The following ATP10B variants were observed in gnomAD, a reference collection of about 807,000 sequenced individuals.
ATP10B encodes phospholipid-transporting ATPase VB.
In ATP10B, 122 loss-of-function variants were observed where a neutral mutation model predicts 141.2. The observed-to-expected ratio is 0.86, with a 90% confidence interval of 0.75 to 1.00. ATP10B has a LOEUF of 1.00. Among genes scored for constraint, ATP10B ranks in the 50% least tolerant of loss-of-function variants. The probability of loss-of-function intolerance (pLI) is 0.00; values close to 1 mark genes in which losing one functional copy is unlikely to be tolerated. For synonymous variants in ATP10B, 685 were observed against 692.0 expected, an observed-to-expected ratio of 0.99 and a Z score of 0.16; for missense variants, 1,876 against 1,825.3, an observed-to-expected ratio of 1.03 and a Z score of -0.51.
intron 12 of ATP10B, 37 bp from the exon 13 acceptor site, chr5:160,632,404 C>G (rs1470908088): frequency 6.3e-7 from 1 of 1,593,640 alleles, no homozygotes; most frequent in Admixed American, 1.7e-5. Context: ...ACTAGTTGTA[C>G]CTCGGCTGGA....
At chr5:160,844,639 G>A (rs1009115310) in intron 1 of ATP10B, among the ~76,000 whole-genome samples, 1 of 151,506 alleles carries the variant, frequency 6.6e-6, no homozygotes, top group African/African-American at 2.4e-5. Flanking sequence ...TCCACCTCCC[G>A]GGTTCAAGTG....
At chr5:160,831,663 GC>G (rs1264550760) in intron 1 of ATP10B, among the ~76,000 whole-genome samples, 1 of 152,032 alleles carries the variant, frequency 6.6e-6, no homozygotes, top group Non-Finnish European at 1.5e-5. Context: ...TAAGCAAAAA[GC>G]CCTTCTGGAA....
At chr5:160,817,058 CA>C (rs1383309691) in intron 1 of ATP10B, among the ~76,000 whole-genome samples, 2 of 152,146 alleles carry the variant, frequency 1.3e-5, no homozygotes, top group African/African-American at 2.4e-5. Flanking sequence ...ACTGAATGGG[CA>C]AAAACTGGAA....
At chr5:160,690,425 C>T (rs1764010299) in intron 3 of ATP10B, among the ~76,000 whole-genome samples, 1 of 152,156 alleles carries the variant, frequency 6.6e-6, no homozygotes, top group Admixed American at 6.5e-5. Context: ...AGGAAACCTA[C>T]AGAATGGGAG....
intron 1 of ATP10B, among the ~76,000 whole-genome samples, chr5:160,814,196 G>A (rs1773411174): frequency 6.6e-6 from 1 of 152,110 alleles, no homozygotes; most frequent in Non-Finnish European, 1.5e-5. Flanking sequence ...AGCTAAAGGA[G>A]GAAGTTCGAA....
intron 6 of ATP10B, among the ~76,000 whole-genome samples, chr5:160,682,638 C>T (rs116496060): frequency 0.012 from 1,824 of 152,228 alleles, 17 homozygotes; most frequent in Non-Finnish European, 0.018. Context: ...TGCATTCCTC[C>T]CTGAGGCACC....
intron 11 of ATP10B, among the ~76,000 whole-genome samples, chr5:160,635,436 C>A (rs966760212): frequency 5.3e-5 from 8 of 151,904 alleles, no homozygotes; most frequent in African/African-American, 1.7e-4. Context: ...ACTTTGGATT[C>A]CACTTTGAGT....
At chr5:160,685,984 A>G in intron 6 of ATP10B, 95 bp downstream of exon 6, 2 of 997,264 alleles carry the variant, frequency 2.0e-6, no homozygotes, top group Non-Finnish European at 2.8e-6. Context: ...TAATTTAGGA[A>G]AATAAAATCG....
intron 7 of ATP10B, among the ~76,000 whole-genome samples, chr5:160,654,790 A>C (rs897961667): frequency 1.3e-5 from 2 of 152,098 alleles, no homozygotes; most frequent in African/African-American, 4.8e-5. Context: ...GTGTACTAAG[A>C]ATCAACTAAG....
intron 21 of ATP10B, among the ~76,000 whole-genome samples, chr5:160,599,765 GTGGGC>G (rs1274949751): frequency 6.6e-6 from 1 of 152,178 alleles, no homozygotes; most frequent in African/African-American, 2.4e-5. Flanking sequence ...TCTCTTGTGG[GTGGGC>G]TGGGTCACTG....
the ATP10B span, among the ~76,000 whole-genome samples, chr5:160,868,521 T>TAC: frequency 0.17 from 21,862 of 130,140 alleles, 1,826 homozygotes; most frequent in African/African-American, 0.19. Context: ...TATGAACAGA[T>TAC]ACACACACAC....
intron 1 of ATP10B, among the ~76,000 whole-genome samples, chr5:160,798,883 C>G (rs1344965042): frequency 6.6e-6 from 1 of 151,368 alleles, no homozygotes; most frequent in African/African-American, 2.4e-5. Context: ...TCCCAAGTAG[C>G]TGTGATTGCA....
chr5:160,743,433 C>G (rs1183970054), intron 2 of ATP10B, among the ~76,000 whole-genome samples: 1 of 152,206 alleles, frequency 6.6e-6, no homozygotes, highest in African/African-American at 2.4e-5. Context: ...AGCCAAGACA[C>G]TGGACATTTA....
At chr5:160,778,929 C>A (rs905417994) in intron 2 of ATP10B, among the ~76,000 whole-genome samples, 1 of 152,096 alleles carries the variant, frequency 6.6e-6, no homozygotes, top group Non-Finnish European at 1.5e-5. Context: ...ATGTCTAGTT[C>A]ATCACTTGCA....
At chr5:160,845,613 A>G (rs1255180984) in intron 1 of ATP10B, among the ~76,000 whole-genome samples, 1 of 152,212 alleles carries the variant, frequency 6.6e-6, no homozygotes, top group Non-Finnish European at 1.5e-5. Flanking sequence ...AAGTAAAACC[A>G]TTCTAAACAA....
At position 160,806,553 on chromosome 5, in the gene ATP10B, G is replaced by A. The variant is rs148818071; in HGVS notation, c.-575-20750C>T. 9.1e-4 allele frequency among the ~76,000 whole-genome samples: 138 copies of A among 152,320 alleles called. 1 individual carries two copies. Among genetic ancestry groups the A allele is most frequent in the African/African-American group, 1.6e-3 (67 of 41,556 alleles). ...GCTGTTTGTCTTTCAGAACTTTGGCGAAGAGGTCTTGGGAAGATGATCTTT... is the reference window on the plus strand; with the variant it reads ...GCTGTTTGTCTTTCAGAACTTTGGCAAAGAGGTCTTGGGAAGATGATCTTT... On this transcript the variant is annotated intron_variant, in intron 1 of 25. Coordinates refer to ENST00000327245, the MANE Select transcript of ATP10B (RefSeq NM_025153.3).
the ATP10B span, among the ~76,000 whole-genome samples, chr5:160,912,152 T>C: frequency 1.3e-5 from 2 of 152,048 alleles, no homozygotes; most frequent in Non-Finnish European, 2.9e-5. Flanking sequence ...AGTATAACTA[T>C]TACACTTGGG....
chr5:160,616,530 AAGC>A (rs917898832), intron 16 of ATP10B, among the ~76,000 whole-genome samples: 76 of 152,330 alleles, frequency 5.0e-4, no homozygotes, highest in African/African-American at 1.3e-3. Flanking sequence ...GCTGGAAAGA[AAGC>A]AGCCTGTAGA....
chr5:160,707,081 G>T (rs976100604), intron 3 of ATP10B, among the ~76,000 whole-genome samples: 1 of 152,086 alleles, frequency 6.6e-6, no homozygotes, highest in Non-Finnish European at 1.5e-5. Flanking sequence ...CTCCCTAGTA[G>T]CCGGGATTAC....
Sources: allele counts gnomAD v4.1 joint callset (sites outside exome capture counted in the v4.1 genomes callset), GRCh38; gene constraint gnomAD v4.1.1; transcripts MANE v1.5; gene names NCBI Gene and HGNC (gene_info 2026-07-23, HGNC 2026-07-21).